Variants in TDRD12 observed in about 807,000 individuals in gnomAD.
TDRD12 encodes putative ATP-dependent RNA helicase TDRD12.
TDRD12 carries 158 observed loss-of-function variants against 133.5 expected under a neutral mutation model. The observed-to-expected ratio is 1.18, with a 90% CI of 1.04 to 1.35. The LOEUF is 1.35. Among genes scored for constraint, TDRD12 ranks in the 40% most tolerant of loss-of-function variants. The pLI, the probability that TDRD12 is intolerant of heterozygous loss-of-function variation, is 0.00. For missense variants in TDRD12, 1,443 were observed against 1,321.3 expected, an observed-to-expected ratio of 1.09 and a Z score of -1.43; for synonymous variants, 460 against 477.9, an observed-to-expected ratio of 0.96 and a Z score of 0.49.
intron 4 of TDRD12, among the ~76,000 whole-genome samples, chr19:32,743,603 C>T (rs898518273): frequency 1.3e-5 from 2 of 151,780 alleles, no homozygotes; most frequent in Non-Finnish European, 2.9e-5. Flanking sequence ...CATCTTTCCT[C>T]CTGGGAGGCC....
intron 4 of TDRD12, among the ~76,000 whole-genome samples, chr19:32,745,900 CAGAG>C (rs887612614): frequency 2.9e-5 from 2 of 68,448 alleles, no homozygotes; most frequent in Admixed American, 1.6e-4. Flanking sequence ...CTGTGTGTGA[CAGAG>C]AGTGGGAGAG....
intron 8 of TDRD12, among the ~76,000 whole-genome samples, chr19:32,764,887 T>G (rs1970250885): frequency 6.6e-6 from 1 of 151,434 alleles, no homozygotes; most frequent in African/African-American, 2.4e-5. Context: ...AATTGACAAA[T>G]GGGATCTAAT....
chr19:32,785,506 G>A (rs1340039875), intron 11 of TDRD12, among the ~76,000 whole-genome samples: 4 of 152,038 alleles, frequency 2.6e-5, no homozygotes, highest in East Asian at 1.9e-4. Flanking sequence ...TTCAAGTCCC[G>A]GATATCCTTG....
intron 4 of TDRD12, among the ~76,000 whole-genome samples, chr19:32,747,313 A>G (rs1042306427): frequency 1.3e-5 from 2 of 152,236 alleles, no homozygotes; most frequent in Admixed American, 1.3e-4. Flanking sequence ...TTTTAGAACC[A>G]CTGCCTTTAC....
intron 11 of TDRD12, among the ~76,000 whole-genome samples, chr19:32,778,510 T>TTTA (rs1970673635): frequency 6.6e-6 from 1 of 152,182 alleles, no homozygotes; most frequent in Non-Finnish European, 1.5e-5. Context: ...TTATTTATTT[T>TTTA]TTAATTGGAG....
chr19:32,749,833 T>C (rs1466171515), exon 6 of TDRD12: 1 of 1,550,550 alleles, frequency 6.4e-7, no homozygotes, highest in East Asian at 2.4e-5. Context: ...AAGATACATT[T>C]GAGGTTTACC....
At chr19:32,792,710 T>C (rs1209963632) in intron 13 of TDRD12, among the ~76,000 whole-genome samples, 1 of 152,168 alleles carries the variant, frequency 6.6e-6, no homozygotes, top group East Asian at 1.9e-4. Flanking sequence ...ATTTCCAGAT[T>C]AAGAGGGCCT....
chr19:32,780,792 T>TG (rs1340880843), intron 11 of TDRD12, among the ~76,000 whole-genome samples: 2 of 104,282 alleles, frequency 1.9e-5, no homozygotes, highest in East Asian at 4.7e-4. Flanking sequence ...TTTCTTTCCT[T>TG]GGGTTTTTTT....
chr19:32,815,492 T>G, exon 26 of TDRD12: 2 of 1,536,484 alleles, frequency 1.3e-6, no homozygotes, highest in Non-Finnish European at 1.7e-6. Context: ...CTGTCATTGA[T>G]TATAATGTTC....
At chr19:32,752,033 G>A (rs1024215990) in intron 6 of TDRD12, among the ~76,000 whole-genome samples, 5 of 150,676 alleles carry the variant, frequency 3.3e-5, no homozygotes, top group African/African-American at 1.2e-4. Flanking sequence ...ATCATCACAC[G>A]CAGCTAATTT....
chr19:32,802,140 T>TA (rs1273184567), intron 19 of TDRD12, among the ~76,000 whole-genome samples: 9 of 143,568 alleles, frequency 6.3e-5, no homozygotes, highest in African/African-American at 2.1e-4. Context: ...ATATATATGA[T>TA]ATATATTATC....
chr19:32,777,374 T>C, intron 11 of TDRD12, 145 bp downstream of exon 11: 1 of 551,180 alleles, frequency 1.8e-6, no homozygotes, highest in Non-Finnish European at 2.9e-6. Flanking sequence ...CTGTAGGGTT[T>C]GAGGTTAATT....
chr19:32,790,400 GGCA>G (rs1241708205), intron 11 of TDRD12, 128 bp from the exon 12 acceptor site: 4 of 862,084 alleles, frequency 4.6e-6, no homozygotes, highest in Non-Finnish European at 7.1e-6. Flanking sequence ...GAACAGAACA[GGCA>G]GCAGTTGTAC....
chr19:32,749,363 TG>T (rs1258934269), intron 5 of TDRD12, among the ~76,000 whole-genome samples: 1 of 152,052 alleles, frequency 6.6e-6, no homozygotes, highest in African/African-American at 2.4e-5. Context: ...TTGAAGGTAG[TG>T]GTAAGAACTC....
At chr19:32,738,425 T>C (rs1204872170) in intron 2 of TDRD12, among the ~76,000 whole-genome samples, 2 of 152,318 alleles carry the variant, frequency 1.3e-5, no homozygotes, top group East Asian at 3.9e-4. Context: ...CTGGCATCTC[T>C]TTCCTCTGCT....
chr19:32,786,312 T>C (rs1435643448), intron 11 of TDRD12, among the ~76,000 whole-genome samples: 1 of 152,226 alleles, frequency 6.6e-6, no homozygotes, highest in Non-Finnish European at 1.5e-5. Flanking sequence ...TCTGCTGGGC[T>C]TCCCTTTGTG....
At position 32,736,951 on chromosome 19, in the gene TDRD12, C is replaced by T. The variant is rs182173175; in HGVS notation, c.184-1905C>T. 2.0e-5 allele frequency among the ~76,000 whole-genome samples: 3 copies of T among 152,280 alleles called. No homozygotes were observed. The East Asian group carries it at 5.8e-4, about 29-fold the overall frequency. Reference sequence around the variant, plus strand: ...TTGTAGGTAAAAAATGGGCTTAGTACACCTAACCTGCTGACCAGCCTAGCT... The same window carrying T: ...TTGTAGGTAAAAAATGGGCTTAGTATACCTAACCTGCTGACCAGCCTAGCT... On this transcript the variant is annotated intron_variant, in intron 2 of 27. Transcript: ENST00000444215.
At chr19:32,754,666 T>C (rs1969937120) in intron 6 of TDRD12, among the ~76,000 whole-genome samples, 1 of 144,360 alleles carries the variant, frequency 6.9e-6, no homozygotes, top group African/African-American at 2.6e-5. Flanking sequence ...ATAATGACTC[T>C]ATCTTTTTTT....
At position 32,755,285 on chromosome 19, in the gene TDRD12, A is replaced by G. The variant is rs1332539766; in HGVS notation, c.583-707A>G. ...TACCTAGGAGTCAAACTTTTGGATCATATTGTAGGTATTAAGAAGCTGCCA... is the reference window on the plus strand; with the variant it reads ...TACCTAGGAGTCAAACTTTTGGATCGTATTGTAGGTATTAAGAAGCTGCCA... On this transcript the variant is annotated intron_variant, in intron 6 of 27. Transcript: ENST00000444215. Among the ~76,000 whole-genome samples, 3 of 152,194 alleles carry G rather than the reference A, an allele frequency of 2.0e-5. No individual in the cohort carries two copies. In the East Asian group the frequency reaches 5.8e-4, roughly 29 times the overall value.
Sources: allele counts gnomAD v4.1 joint callset (sites outside exome capture counted in the v4.1 genomes callset), GRCh38; gene constraint gnomAD v4.1.1; transcripts MANE v1.5; gene names NCBI Gene and HGNC (gene_info 2026-07-23, HGNC 2026-07-21).